ACACA: variants seen among roughly 807,000 people sequenced by gnomAD.
The protein encoded by ACACA is acetyl-CoA carboxylase alpha, also known as acetyl-CoA carboxylase 1.
ACACA carries 103 observed loss-of-function variants against 296.1 expected under a neutral mutation model. The observed-to-expected ratio is 0.35, with a 90% confidence interval of 0.30 to 0.41. The LOEUF (loss-of-function observed/expected upper bound fraction) is 0.41, where lower values mean the gene tolerates loss of function less well. Ranked by LOEUF, ACACA falls within the 10% of genes least tolerant of loss-of-function variation. ACACA has a pLI of 1.00. For missense variants in ACACA, 1,554 were observed against 2,989.7 expected (o/e 0.52, Z 11.20); for synonymous variants, 953 against 1,038.6 (o/e 0.92, Z 1.58).
At chr17:37,199,596 C>G (rs936011116) in intron 35 of ACACA, among the ~76,000 whole-genome samples, 2 of 152,020 alleles carry the variant, frequency 1.3e-5, no homozygotes, top group Non-Finnish European at 2.9e-5. Context: ...AAAATAGCAA[C>G]TTGGCTCTAT....
intron 35 of ACACA, among the ~76,000 whole-genome samples, chr17:37,195,034 T>C (rs941155592): frequency 6.6e-6 from 1 of 152,152 alleles, no homozygotes; most frequent in African/African-American, 2.4e-5. Context: ...CTCATGGTTT[T>C]ATATAACCTA....
chr17:37,138,583 A>T (rs2075427165), intron 45 of ACACA, among the ~76,000 whole-genome samples: 1 of 152,240 alleles, frequency 6.6e-6, no homozygotes, highest in African/African-American at 2.4e-5. Flanking sequence ...AAATGCACAA[A>T]GAGCTCCCTG....
At chr17:37,222,317 C>T (rs1213344520) in intron 28 of ACACA, among the ~76,000 whole-genome samples, 2 of 152,098 alleles carry the variant, frequency 1.3e-5, no homozygotes, top group Admixed American at 6.6e-5. Flanking sequence ...TGTCTTGCGT[C>T]CTCCCCGACT....
intron 45 of ACACA, among the ~76,000 whole-genome samples, chr17:37,147,896 T>C (rs1022306284): frequency 2.0e-5 from 3 of 152,180 alleles, no homozygotes; most frequent in Admixed American, 1.3e-4. Context: ...ATCTCTAATG[T>C]TTCTTCATGG....
chr17:37,254,899 G>T (rs2081159290), intron 14 of ACACA, among the ~76,000 whole-genome samples: 8 of 151,624 alleles, frequency 5.3e-5, no homozygotes, highest in Admixed American at 5.3e-4. Flanking sequence ...TGAATGAACA[G>T]AGGAAATAGC....
chr17:37,299,571 C>T, intron 3 of ACACA: 1 of 1,386,156 alleles, frequency 7.2e-7, no homozygotes, highest in Non-Finnish European at 9.3e-7. Context: ...ATCTTCTCTC[C>T]TCCACACACT....
At chr17:37,212,380 A>G (rs1567821555) in intron 29 of ACACA, among the ~76,000 whole-genome samples, 1 of 152,200 alleles carries the variant, frequency 6.6e-6, no homozygotes, top group Admixed American at 6.5e-5. Context: ...GCTCCTATAG[A>G]GAGCCCCCTG....
chr17:37,122,533 T>C lies in ACACA; in HGVS notation c.6136A>G (p.Lys2046Glu), dbSNP rs1311839437. The change falls in exon 49 of 56, where the codon AAG (lysine) becomes GAG (glutamate). Residue 2046 changes from lysine (K) to glutamate (E), a missense_variant and splice_region_variant. Physicochemically the swap from Lys to Glu is moderately conservative, Grantham distance 56. Around this residue, in one of 16 missense-constraint regions of ACACA, gnomAD observed 553 missense variants for 1,043.6 expected, o/e 0.53. Transcript: ENST00000616317. ...CCAGTGTACTTGAGGTGGCCTACCT[T>C]GGCTTCAGAATCCAGGTTTGCTGGA... is the stretch of plus-strand genomic sequence containing the variant. ...ADPANLDSEA[K>E]IIQQAGQVWF... 1.2e-6 allele frequency: 2 copies of C among 1,614,036 alleles called. No homozygotes were observed. The highest frequency in any genetic ancestry group is 4.5e-5 in the East Asian group (2 of 44,898).
chr17:37,096,988 C>G lies in ACACA; in HGVS notation c.6891+8G>C. 1 of 1,614,036 alleles carries G rather than the reference C, an allele frequency of 6.2e-7. No homozygotes were observed. The highest frequency in any genetic ancestry group is 1.1e-5 in the South Asian group (1 of 91,076). On this transcript the variant is annotated splice_region_variant and intron_variant, in intron 54 of 55. Transcript: ENST00000616317. ...GCAAAAAGGCTTCTCTTTGAGTGTC[C>G]CACCTACCTTCACTGTTCCTTCCAC... is the stretch of plus-strand genomic sequence containing the variant.
chr17:37,274,102 G>A (rs1026295078), intron 9 of ACACA, 91 bp downstream of exon 9: 1 of 1,051,492 alleles, frequency 9.5e-7, no homozygotes, highest in Non-Finnish European at 1.5e-6. Context: ...CACCACCTTG[G>A]GTATATATCA....
At chr17:37,279,907 A>G (rs2082435998) in intron 5 of ACACA, among the ~76,000 whole-genome samples, 1 of 152,104 alleles carries the variant, frequency 6.6e-6, no homozygotes, top group South Asian at 2.1e-4. Context: ...TGGATACCTA[A>G]TATTTCAATA....
chr17:37,274,304 A>G lies in ACACA; in HGVS notation c.902-5T>C, dbSNP rs1176090406. 1.2e-6 allele frequency: 2 copies of G among 1,609,672 alleles called. No homozygotes were observed. Among genetic ancestry groups the G allele is most frequent in the African/African-American group, 2.7e-5 (2 of 74,824 alleles). On this transcript the variant is annotated splice_region_variant and splice_polypyrimidine_tract_variant and intron_variant, in intron 8 of 55. Coordinates refer to ENST00000616317, the MANE Select transcript of ACACA (RefSeq NM_198834.3). Reference sequence around the variant, plus strand: ...CCTGCCAGTCCACACGAAGACCTGCAACAGACAATAGCAACTTAGGGCAAT... The same window carrying G: ...CCTGCCAGTCCACACGAAGACCTGCGACAGACAATAGCAACTTAGGGCAAT...
intron 22 of ACACA, among the ~76,000 whole-genome samples, chr17:37,242,370 T>A (rs762679710): frequency 3.9e-5 from 6 of 152,180 alleles, no homozygotes; most frequent in Non-Finnish European, 7.4e-5. Context: ...TCCCTACACA[T>A]ACATCTGCTT....
At chr17:37,147,772 T>A (rs945775537) in intron 45 of ACACA, among the ~76,000 whole-genome samples, 2 of 152,184 alleles carry the variant, frequency 1.3e-5, no homozygotes, top group Non-Finnish European at 2.9e-5. Context: ...AGCTATAGCT[T>A]TATTTATCTT....
chr17:37,377,502 A>G (rs1421011154), intron 1 of ACACA, among the ~76,000 whole-genome samples: 1 of 151,902 alleles, frequency 6.6e-6, no homozygotes, highest in Non-Finnish European at 1.5e-5. Flanking sequence ...TCTACTAAAA[A>G]TACAAAAATT....
intron 11 of ACACA, among the ~76,000 whole-genome samples, chr17:37,260,294 ATATTTTTTTTTTTT>A (rs1339009891): frequency 4.1e-4 from 6 of 14,708 alleles, no homozygotes; most frequent in African/African-American, 1.5e-3. Flanking sequence ...ATATATATAT[ATATTTTTTTTTTTT>A]TTTTTTTTGG....
intron 41 of ACACA, among the ~76,000 whole-genome samples, chr17:37,173,999 TATA>T (rs2076992571): frequency 1.0e-3 from 11 of 10,612 alleles, no homozygotes; most frequent in African/African-American, 6.7e-3. Context: ...TATATATATA[TATA>T]TATATATATA....
intron 1 of ACACA, among the ~76,000 whole-genome samples, chr17:37,361,530 G>GA (rs61049917): frequency 4.0e-5 from 6 of 150,894 alleles, no homozygotes; most frequent in Admixed American, 2.0e-4. Context: ...AAGCTACAGT[G>GA]AAAAAAAAAG....
intron 11 of ACACA, among the ~76,000 whole-genome samples, chr17:37,260,276 A>G (rs1473164021): frequency 6.7e-5 from 2 of 29,828 alleles, no homozygotes; most frequent in Non-Finnish European, 1.1e-4. Context: ...ATATATATAT[A>G]TATATATATA....
Sources: gnomAD v4.1 joint callset for allele counts (sites outside exome capture counted in the v4.1 genomes callset) on GRCh38, gnomAD v4.1.1 for gene constraint, gnomAD v4.1.1 regional missense constraint, MANE v1.5 for transcripts, NCBI Gene and HGNC (gene_info 2026-07-23, HGNC 2026-07-21) for gene names.